The following SIRT7 variants were observed in gnomAD, a reference collection of about 807,000 sequenced individuals.
SIRT7 encodes the protein NAD-dependent protein deacetylase sirtuin-7.
SIRT7 carries 32 observed loss-of-function variants against 42.8 expected under a neutral mutation model. The observed-to-expected ratio is 0.75, with a 90% CI of 0.56 to 1.00. SIRT7 has a LOEUF of 1.00. Ranked by LOEUF, SIRT7 falls within the 50% of genes least tolerant of loss-of-function variation. SIRT7 has a pLI of 0.00. For missense variants in SIRT7, 553 were observed against 572.2 expected (o/e 0.97, Z 0.34); for synonymous variants, 297 against 245.2 (o/e 1.21, Z -1.97).
Position 81,914,466 on chromosome 17 carries a change from G to C in SIRT7, c.644C>G (p.Ala215Gly). The C allele has an allele frequency of 1.2e-6, 2 of 1,613,142 alleles. No homozygotes were observed. Among genetic ancestry groups the C allele is most frequent in the Non-Finnish European group, 1.7e-6 (2 of 1,180,032 alleles). Residue 215 changes from alanine (A) to glycine (G), a missense_variant, in exon 7 of 10, where the codon GCC becomes GGC. Physicochemically the swap from Ala to Gly is moderately conservative, Grantham distance 60. Transcript: ENST00000328666. ...CCGGCCTGTCTGGTGTCTGTGGAGG[G>C]CAGTGCGCTCCGTCACATCGAACAC... ...VRVFDVTERT[A>G]LHRHQTGRTC... is the part of the protein sequence containing the mutation.
intron 5 of SIRT7, 153 bp from the exon 6 acceptor site, chr17:81,914,855 C>T (rs2040764119): frequency 7.8e-6 from 5 of 644,318 alleles, no homozygotes; most frequent in South Asian, 3.5e-5. Context: ...GAAAGTAAAA[C>T]ACACAACAGG....
rs964168771 is a variant in SIRT7 at position 81,912,035 on chromosome 17, A to G, written c.*381T>C. 6.1e-6 allele frequency: 2 copies of G among 327,908 alleles called. No homozygotes were observed. The highest frequency in any genetic ancestry group is 1.2e-5 in the Non-Finnish European group (2 of 172,996). The allele number at this position is 327,908 out of a possible 1,614,324, so 20.3% of individuals were successfully genotyped here. On this transcript the variant is annotated 3_prime_UTR_variant, in exon 10 of 10. Coordinates refer to ENST00000328666, the MANE Select transcript of SIRT7 (RefSeq NM_016538.3). ...GCACATCCAGTACAGAGAGGATTCT[A>G]TAAAGTTCACACTTTTTCATTAAGT...
chr17:81,915,340 T>A (rs953873938), intron 5 of SIRT7, 100 bp downstream of exon 5: 1 of 1,349,438 alleles, frequency 7.4e-7, no homozygotes, highest in South Asian at 1.3e-5. Context: ...ATCATGGGAG[T>A]CAACTGGCAG....
rs1447417338 is a variant in SIRT7 at position 81,913,875 on chromosome 17, G to A, written c.903C>T (p.Thr301=). ...TCAGGGCAGCCCAGTCATCCTTCGG[G>A]GTCCACTGAGGACAGGGAAAGCCGA... is the stretch of plus-strand genomic sequence containing the variant. The part of the protein sequence containing the change: ...PKLYIVNLQW[T]PKDDWAALKL... The change falls in exon 9 of 10, where the codon ACC becomes ACT. Residue 301 remains threonine, a synonymous_variant. Transcript: ENST00000328666. This position sits in a 1 kb window ranked among gnomAD's most constrained non-coding sequence, Gnocchi z 5.0. The A allele has an allele frequency of 1.3e-6, 2 of 1,551,284 alleles. No individual in the cohort carries two copies. Among genetic ancestry groups the A allele is most frequent in the African/African-American group, 2.7e-5 (2 of 73,226 alleles).
At position 81,914,528 on chromosome 17, in the gene SIRT7, G is replaced by A; in HGVS notation, c.582C>T (p.Val194=). The A allele has an allele frequency of 6.2e-7, 1 of 1,613,260 alleles. No individual in the cohort carries two copies. Among genetic ancestry groups the A allele is most frequent in the Non-Finnish European group, 8.5e-7 (1 of 1,180,018 alleles). The stretch of plus-strand genomic sequence containing the variant: ...CCCTGTTGGGAACGCAGGAGGTACA[G>A]ACCTAGAGGCAAGAGGGCACAGTGA... ...SELHGNMYIE[V]CTSCVPNREY... Residue 194 remains valine, a splice_region_variant and synonymous_variant, in exon 7 of 10, where the codon GTC becomes GTT. Transcript: ENST00000328666.
chr17:81,917,766 G>T, intron 2 of SIRT7, 47 bp from the exon 3 acceptor site: 1 of 1,462,660 alleles, frequency 6.8e-7, no homozygotes, highest in Non-Finnish European at 9.0e-7. Context: ...CCCCACCCGG[G>T]ACCGCCCGTC....
Position 81,913,931 on chromosome 17 carries a change from G to C in SIRT7, c.898-51C>G. ...AGTAACAGCAGCCCAACCCTTCCCG[G>C]TGGCCTGTCAGCCTTGGCCCCTACG... is the stretch of plus-strand genomic sequence containing the variant. On this transcript the variant is annotated intron_variant, in intron 8 of 9. Transcript: ENST00000328666. The surrounding 1 kb of genome is among the most constrained non-coding windows in gnomAD (Gnocchi z 5.0). 6.5e-7 allele frequency: 1 copy of C among 1,544,714 alleles called. No individual in the cohort carries two copies. Among genetic ancestry groups the C allele is most frequent in the Non-Finnish European group, 8.8e-7 (1 of 1,139,912 alleles).
Position 81,918,099 on chromosome 17 carries a change from G to A in SIRT7, c.33C>T (p.Arg11=), listed in dbSNP as rs773152034. The change falls in exon 1 of 10, where the codon CGC becomes CGT. Residue 11 remains arginine (R), a synonymous_variant. Coordinates refer to ENST00000328666, the MANE Select transcript of SIRT7 (RefSeq NM_016538.3). ...ACCTCCGGACCCGCTCCGCCGCTTT[G>A]CGCTCGGAGCGGCTCAGACCCCCGG... MAAGGLSRSE[R]KAAERVRRLR... 1 of 1,551,582 alleles carries A rather than the reference G, an allele frequency of 6.4e-7. No individual in the cohort carries two copies. Among genetic ancestry groups the A allele is most frequent in the East Asian group, 2.6e-5 (1 of 38,972 alleles).
At chr17:81,915,702 T>G (rs1299559563) in intron 3 of SIRT7, 21 bp from the exon 4 acceptor site, 1 of 1,612,598 alleles carries the variant, frequency 6.2e-7, no homozygotes, top group African/African-American at 1.3e-5. Context: ...AGAAAAAAGG[T>G]AAGCCAAGTC....
chr17:81,916,653 G>C (rs1380247504), intron 3 of SIRT7: 1 of 152,064 alleles, frequency 6.6e-6, no homozygotes, highest in Non-Finnish European at 1.5e-5. Context: ...TTTTAGTAGA[G>C]ACAGGGTTTC....
chr17:81,915,391 G>A, intron 5 of SIRT7, 49 bp downstream of exon 5: 4 of 1,583,160 alleles, frequency 2.5e-6, no homozygotes, highest in Non-Finnish European at 3.4e-6. Context: ...GGGCACCAAG[G>A]TGCTCTGCCT....
In SIRT7 at chr17:81,913,958, G is replaced by A; in HGVS notation, c.898-78C>T. 6.5e-7 allele frequency: 1 copy of A among 1,538,836 alleles called. No homozygotes were observed. Among genetic ancestry groups the A allele is most frequent in the Non-Finnish European group, 8.9e-7 (1 of 1,129,242 alleles). On this transcript the variant is annotated intron_variant, in intron 8 of 9. Transcript: ENST00000328666. The surrounding 1 kb of genome is among the most constrained non-coding windows in gnomAD (Gnocchi z 5.0). ...GGCCTGTCAGCCTTGGCCCCTACGG[G>A]CTCAGTCGGTGCTCCCTGAGCACCC...
At chr17:81,914,835 G>A in intron 5 of SIRT7, 133 bp from the exon 6 acceptor site, 2 of 693,918 alleles carry the variant, frequency 2.9e-6, no homozygotes, top group South Asian at 1.6e-5. Context: ...CGTCCCCCCA[G>A]AGAGCCTTAG....
chr17:81,918,063 C>T lies in SIRT7; in HGVS notation c.69G>A (p.Glu23=). 2 of 1,541,142 alleles carry T rather than the reference C, an allele frequency of 1.3e-6. No homozygotes were observed. Among genetic ancestry groups the T allele is most frequent in the Non-Finnish European group, 1.7e-6 (2 of 1,154,742 alleles). Residue 23 remains glutamate, a synonymous_variant, in exon 1 of 10, where the codon GAG becomes GAA. Coordinates refer to ENST00000328666, the MANE Select transcript of SIRT7 (RefSeq NM_016538.3). Reference sequence around the variant, plus strand: ...CCTGGCGGAGGCGCTCCCTCTGCTGCTCCTCCCGCAACCTCCGGACCCGCT... The same window carrying T: ...CCTGGCGGAGGCGCTCCCTCTGCTGTTCCTCCCGCAACCTCCGGACCCGCT... ...AAERVRRLRE[E]QQRERLRQVS...
Position 81,912,295 on chromosome 17 carries a change from T to A in SIRT7, c.*121A>T. On this transcript the variant is annotated 3_prime_UTR_variant, in exon 10 of 10. Transcript: ENST00000328666. Reference sequence around the variant, plus strand: ...TTCCTCAAGGACAAATGGCTAAAAATGTCACGGTGAAAATGTCATCCCCAA... The same window carrying A: ...TTCCTCAAGGACAAATGGCTAAAAAAGTCACGGTGAAAATGTCATCCCCAA... 7.7e-7 allele frequency: 1 copy of A among 1,299,190 alleles called. No individual in the cohort carries two copies. Among genetic ancestry groups the A allele is most frequent in the South Asian group, 1.2e-5 (1 of 82,516 alleles). 80.5% of individuals were successfully genotyped at this position (1,299,190 alleles called of 1,614,324 possible). A position where few individuals can be genotyped will look rare whatever the true frequency, so the allele number is the denominator to read the frequency against.
In SIRT7 at chr17:81,914,172, G is replaced by T. The variant is rs563817230; in HGVS notation, c.817-5C>A. On this transcript the variant is annotated splice_polypyrimidine_tract_variant and splice_region_variant and intron_variant, in intron 7 of 9. Coordinates refer to ENST00000328666, the MANE Select transcript of SIRT7 (RefSeq NM_016538.3). ...GCGTGGGTACTTCTTTAGAACCTGT[G>T]GAAGCAGACAGACAGACACCGCACA... 6.2e-7 allele frequency: 1 copy of T among 1,613,618 alleles called. No individual in the cohort carries two copies. The highest frequency in any genetic ancestry group is 2.2e-5 in the East Asian group (1 of 44,886).
Position 81,912,304 on chromosome 17 carries a change from G to T in SIRT7, c.*112C>A. 1 of 1,362,386 alleles carries T rather than the reference G, an allele frequency of 7.3e-7. No homozygotes were observed. Among genetic ancestry groups the T allele is most frequent in the Non-Finnish European group, 1.0e-6 (1 of 958,092 alleles). The allele number at this position is 1,362,386 out of a possible 1,614,324, so 84.4% of individuals were successfully genotyped here. A position where few individuals can be genotyped will look rare whatever the true frequency, so the allele number is the denominator to read the frequency against. ...GACAAATGGCTAAAAATGTCACGGT[G>T]AAAATGTCATCCCCAAAGAGTTCGT... On this transcript the variant is annotated 3_prime_UTR_variant, in exon 10 of 10. Transcript: ENST00000328666.
At chr17:81,917,535 G>A (rs1281866763) in intron 3 of SIRT7, 80 bp downstream of exon 3, 1 of 1,252,200 alleles carries the variant, frequency 8.0e-7, no homozygotes, top group South Asian at 1.7e-5. Context: ...AAAAACCTTA[G>A]AGCTGCTTTA....
chr17:81,912,827 C>A, intron 9 of SIRT7: 1 of 618,908 alleles, frequency 1.6e-6, no homozygotes, highest in South Asian at 1.9e-5. Context: ...ACTCAAAGGT[C>A]GGCACCCACA....
Sources: gnomAD v4.1 joint callset for allele counts on GRCh38, gnomAD v4.1.1 for gene constraint, Gnocchi (gnomAD v3.1) non-coding constraint, MANE v1.5 for transcripts, NCBI Gene and HGNC (gene_info 2026-07-23, HGNC 2026-07-21) for gene names.